NEO1: variants seen among roughly 807,000 people sequenced by gnomAD.
The protein encoded by NEO1 is neogenin 1, also known as neogenin.
In NEO1, 63 loss-of-function variants were observed where a neutral mutation model predicts 159.7. That is an observed-to-expected ratio of 0.39 (90% CI 0.32 to 0.49). The LOEUF (loss-of-function observed/expected upper bound fraction) is 0.49. NEO1 is among the 20% of genes least tolerant of loss of function. NEO1 has a pLI of 0.85. For missense variants in NEO1, 1,615 were observed against 1,831.0 expected, an observed-to-expected ratio of 0.88 and a Z score of 2.15; for synonymous variants, 633 against 662.0, an observed-to-expected ratio of 0.96 and a Z score of 0.67.
In NEO1 at chr15:73,244,438, C is replaced by A; in HGVS notation, c.1546C>A (p.Gln516Lys). ...CGTGTACATCTTTAGAGTTATGGCT[C>A]AAAATAAGCATGGCTCAGGAGAGAG... Reference protein sequence around the residue: ...ATVYIFRVMAQNKHGSGESSA... With the variant: ...ATVYIFRVMAKNKHGSGESSA... Residue 516 changes from glutamine (Q) to lysine (K), a missense_variant, in exon 9 of 29, where the codon CAA becomes AAA. Coordinates refer to ENST00000261908, the MANE Select transcript of NEO1 (RefSeq NM_002499.4). 6.2e-7 allele frequency: 1 copy of A among 1,613,930 alleles called. No individual in the cohort carries two copies. The highest frequency in any genetic ancestry group is 8.5e-7 in the Non-Finnish European group (1 of 1,179,920).
In NEO1 at chr15:73,122,542, A is replaced by G. The variant is rs1489333352; in HGVS notation, c.466A>G (p.Ser156Gly). 6.2e-7 allele frequency: 1 copy of G among 1,613,932 alleles called. No homozygotes were observed. The highest frequency in any genetic ancestry group is 1.3e-5 in the African/African-American group (1 of 75,044). ...TTGTCCAGGTCTTCCAAGATTTACC[A>G]GCCAACCAGAACCTTCCTCAGTTTA... ...LIVAGLPRFT[S>G]QPEPSSVYAG... Residue 156 changes from serine (S) to glycine (G), a missense_variant, in exon 3 of 29, where the codon AGC (serine) becomes GGC (glycine). By Grantham distance (56) the Ser-to-Gly change is moderately conservative. Coordinates refer to ENST00000261908, the MANE Select transcript of NEO1 (RefSeq NM_002499.4).
chr15:73,276,602 G>C (rs1459390766), intron 21 of NEO1, among the ~76,000 whole-genome samples: 1 of 152,190 alleles, frequency 6.6e-6, no homozygotes, highest in Middle Eastern at 3.2e-3. Flanking sequence ...TGCCCTTTTG[G>C]ATATCCAGGA....
intron 9 of NEO1, among the ~76,000 whole-genome samples, chr15:73,246,678 C>G (rs2039811083): frequency 6.6e-6 from 1 of 152,076 alleles, no homozygotes; most frequent in African/African-American, 2.4e-5. Context: ...TAAGTCATGA[C>G]AAAAATGAAG....
At chr15:73,283,763 G>A (rs958924070) in intron 23 of NEO1, among the ~76,000 whole-genome samples, 1 of 152,200 alleles carries the variant, frequency 6.6e-6, no homozygotes, top group African/African-American at 2.4e-5. Context: ...TGCCCACAGT[G>A]AACCCGATGC....
intron 1 of NEO1, among the ~76,000 whole-genome samples, chr15:73,061,003 C>A (rs1320232013): frequency 6.6e-6 from 1 of 152,164 alleles, no homozygotes; most frequent in East Asian, 1.9e-4. Context: ...ATGCAACCTA[C>A]CTCCGGAATA....
chr15:73,074,264 G>T (rs11856922), intron 1 of NEO1, among the ~76,000 whole-genome samples: 81,525 of 151,946 alleles, frequency 0.54, 22,226 homozygotes, highest in Middle Eastern at 0.59. Flanking sequence ...TCTAAAAACG[G>T]GTTCTGTCTG....
chr15:73,240,531 T>C (rs1402166687), intron 8 of NEO1, among the ~76,000 whole-genome samples: 1 of 152,210 alleles, frequency 6.6e-6, no homozygotes, highest in Non-Finnish European at 1.5e-5. Flanking sequence ...GATGCTGGAA[T>C]GCCAGTGAGA....
intron 1 of NEO1, among the ~76,000 whole-genome samples, chr15:73,091,215 A>G (rs1403841368): frequency 1.3e-5 from 2 of 152,208 alleles, no homozygotes; most frequent in African/African-American, 2.4e-5. Context: ...CTGAACCTCA[A>G]AAGTTTTTAT....
chr15:73,054,692 C>G (rs2067616620), intron 1 of NEO1, among the ~76,000 whole-genome samples: 2 of 152,062 alleles, frequency 1.3e-5, no homozygotes, highest in Admixed American at 6.6e-5. Context: ...GAACATAGAT[C>G]TCCTGATTCT....
chr15:73,217,791 T>C (rs941385166), intron 7 of NEO1, among the ~76,000 whole-genome samples: 10 of 152,376 alleles, frequency 6.6e-5, no homozygotes, highest in South Asian at 2.1e-4. Flanking sequence ...CCTGAGACTT[T>C]GCTGAAGTTG....
At chr15:73,217,838 G>A (rs891409331) in intron 7 of NEO1, among the ~76,000 whole-genome samples, 5 of 152,244 alleles carry the variant, frequency 3.3e-5, no homozygotes, top group East Asian at 1.9e-4. Flanking sequence ...TGAGACAATG[G>A]GGTTTTCTAG....
At chr15:73,185,944 G>C (rs1196465438) in intron 7 of NEO1, among the ~76,000 whole-genome samples, 148 of 151,906 alleles carry the variant, frequency 9.7e-4, no homozygotes, top group Admixed American at 9.7e-3. Flanking sequence ...AAATGAATTA[G>C]ATCAAACCAC....
chr15:73,286,856 C>T (rs1253039859), intron 23 of NEO1, among the ~76,000 whole-genome samples: 1 of 152,188 alleles, frequency 6.6e-6, no homozygotes, highest in African/African-American at 2.4e-5. Flanking sequence ...CTGCCTCTTG[C>T]CTCTACTCCC....
intron 15 of NEO1, among the ~76,000 whole-genome samples, chr15:73,265,758 A>G (rs1187190884): frequency 2.0e-5 from 3 of 152,158 alleles, no homozygotes; most frequent in African/African-American, 7.2e-5. Flanking sequence ...GGCCGCCAAG[A>G]AAAGCAGCTG....
chr15:73,257,350 G>C (rs1334952580), intron 13 of NEO1, among the ~76,000 whole-genome samples: 1 of 150,380 alleles, frequency 6.6e-6, no homozygotes, highest in Non-Finnish European at 1.5e-5. Context: ...AAGCAAAATA[G>C]AATTTTTATG....
rs562953327 is a variant in NEO1 at position 73,304,860 on chromosome 15, G to A, written c.*2164G>A. 6.6e-6 allele frequency: 1 copy of A among 152,246 alleles called. No homozygotes were observed. Among genetic ancestry groups the A allele is most frequent in the South Asian group, 2.1e-4 (1 of 4,820 alleles). 9.4% of individuals were successfully genotyped at this position (152,246 alleles called of 1,614,324 possible). A position where few individuals can be genotyped will look rare whatever the true frequency, so the allele number is the denominator to read the frequency against. The stretch of plus-strand genomic sequence containing the variant: ...ATAAAATAACTGTTCAAAGTTGGGG[G>A]TTTTTTAAAAAATTAAGAAAAAGGA... On this transcript the variant is annotated 3_prime_UTR_variant, in exon 29 of 29. Coordinates refer to ENST00000261908, the MANE Select transcript of NEO1 (RefSeq NM_002499.4).
chr15:73,167,985 A>G (rs1480432973), intron 5 of NEO1, among the ~76,000 whole-genome samples: 2 of 152,196 alleles, frequency 1.3e-5, no homozygotes, highest in Non-Finnish European at 2.9e-5. Context: ...GACACTCAAG[A>G]GTGGACTTAG....
chr15:73,270,019 A>G lies in NEO1; in HGVS notation c.2504A>G (p.Glu835Gly). Reference protein sequence around the residue: ...AVTRPHTDTSEVDLFVINAPY... With the variant: ...AVTRPHTDTSGVDLFVINAPY... ...ATTATTTTCTGCTCAGACACTTCTG[A>G]AGTTGATTTATTTGTTATTAATGCT... Residue 835 changes from glutamate to glycine, a missense_variant, in exon 17 of 29, where the codon GAA (glutamate) becomes GGA (glycine). By Grantham distance (98) the Glu-to-Gly change is moderately conservative. Coordinates refer to ENST00000261908, the MANE Select transcript of NEO1 (RefSeq NM_002499.4). 6.2e-7 allele frequency: 1 copy of G among 1,613,430 alleles called. No individual in the cohort carries two copies. The highest frequency in any genetic ancestry group is 8.5e-7 in the Non-Finnish European group (1 of 1,179,576).
At chr15:73,153,355 T>C (rs954814198) in intron 5 of NEO1, among the ~76,000 whole-genome samples, 2 of 151,962 alleles carry the variant, frequency 1.3e-5, no homozygotes, top group Non-Finnish European at 2.9e-5. Context: ...ACACATAGTA[T>C]ACTCGTCTTC....
Sources: allele counts gnomAD v4.1 joint callset (sites outside exome capture counted in the v4.1 genomes callset), GRCh38; gene constraint gnomAD v4.1.1; transcripts MANE v1.5; gene names NCBI Gene and HGNC (gene_info 2026-07-23, HGNC 2026-07-21).